TRIM2: variants seen among roughly 807,000 people sequenced by gnomAD.
TRIM2 encodes the protein tripartite motif containing 2.
In TRIM2, 20 loss-of-function variants were observed where a neutral mutation model predicts 75.2. That is an observed-to-expected ratio of 0.27 (90% CI 0.19 to 0.39). The LOEUF (loss-of-function observed/expected upper bound fraction) is 0.39. Among genes scored for constraint, TRIM2 ranks in the 10% least tolerant of loss-of-function variants. The probability of loss-of-function intolerance (pLI) is 1.00; values close to 1 mark genes in which losing one functional copy is unlikely to be tolerated. For missense variants in TRIM2, 660 were observed against 990.8 expected, an observed-to-expected ratio of 0.67 and a Z score of 4.48; for synonymous variants, 373 against 388.3, an observed-to-expected ratio of 0.96 and a Z score of 0.46.
intron 1 of TRIM2, among the ~76,000 whole-genome samples, chr4:153,219,803 G>A (rs761164642): frequency 1.3e-5 from 2 of 152,218 alleles, no homozygotes; most frequent in Admixed American, 1.3e-4. Flanking sequence ...GGGAGGCAGA[G>A]GTTGCAGTGA....
chr4:153,296,841 C>T (rs1240387336), intron 6 of TRIM2, among the ~76,000 whole-genome samples: 1 of 152,230 alleles, frequency 6.6e-6, no homozygotes. Flanking sequence ...GTAGCTCCAG[C>T]AGACTTCTTT....
intron 1 of TRIM2, among the ~76,000 whole-genome samples, chr4:153,192,533 G>A (rs754469826): frequency 1.3e-5 from 2 of 150,764 alleles, no homozygotes; most frequent in African/African-American, 4.9e-5. Context: ...CCTGAGCCTG[G>A]AAGGTCAAGT....
rs11381924 is a variant in TRIM2, at chr4:153,294,127, C to CA, written c.606-174dup. On this transcript the variant is annotated intron_variant, in intron 4 of 11. Transcript: ENST00000338700. ...ACAATTTTGATTGTCTCTGAAGAGA[C>CA]AAAATCTCTTCTCTCTAAGGCAGTA... Among the ~76,000 whole-genome samples the CA allele has an allele frequency of 0.22, 34,114 of 152,044 alleles. 4,835 individuals carry two copies. Among genetic ancestry groups the CA allele is most frequent in the South Asian group, 0.36 (1,751 of 4,816 alleles).
At chr4:153,217,024 C>G (rs575915945) in intron 1 of TRIM2, among the ~76,000 whole-genome samples, 1 of 152,200 alleles carries the variant, frequency 6.6e-6, no homozygotes, top group Non-Finnish European at 1.5e-5. Context: ...TTTTATTTCT[C>G]CCCAACATCT....
intron 1 of TRIM2, among the ~76,000 whole-genome samples, chr4:153,177,707 CTCCTTCCTTCCT>C (rs60499669): frequency 0.018 from 2,442 of 133,952 alleles, 83 homozygotes; most frequent in African/African-American, 0.063. Flanking sequence ...TGGTGGCTCG[CTCCTTCCTTCCT>C]TCCTTCCTTC....
rs970255312 is a variant in TRIM2 at position 153,284,544 on chromosome 4, C to T, written c.453+8414C>T. 9.8e-5 allele frequency among the ~76,000 whole-genome samples: 15 copies of T among 152,328 alleles called. No homozygotes were observed. The East Asian group carries it at 2.9e-3, about 29-fold the overall frequency. On this transcript the variant is annotated intron_variant, in intron 3 of 11. Transcript: ENST00000338700. Reference sequence around the variant, plus strand: ...TTTTCACAGTGGCTGCACCAGTTTACATTTCCACTAGCAAAGCATAAGGGT... The same window carrying T: ...TTTTCACAGTGGCTGCACCAGTTTATATTTCCACTAGCAAAGCATAAGGGT...
chr4:153,307,384 G>A (rs1181430505), intron 6 of TRIM2, among the ~76,000 whole-genome samples: 10 of 152,126 alleles, frequency 6.6e-5, no homozygotes, highest in Admixed American at 6.5e-4. Flanking sequence ...CTAGAACAGT[G>A]TAATTTAAAA....
At chr4:153,317,121 C>G (rs949945930) in intron 8 of TRIM2, among the ~76,000 whole-genome samples, 1 of 149,932 alleles carries the variant, frequency 6.7e-6, no homozygotes, top group Non-Finnish European at 1.5e-5. Flanking sequence ...ACCTCATGAT[C>G]CGCCCGCCTC....
chr4:153,242,984 G>A (rs1284281984), intron 1 of TRIM2, among the ~76,000 whole-genome samples: 1 of 152,228 alleles, frequency 6.6e-6, no homozygotes, highest in Non-Finnish European at 1.5e-5. Context: ...ATGTTGGCAG[G>A]GGCCCCAGGG....
rs535273520 is a variant in TRIM2, at chr4:153,220,963, G to A, written c.30+16403G>A. Among the ~76,000 whole-genome samples the A allele has an allele frequency of 5.9e-4, 89 of 152,124 alleles. No individual in the cohort carries two copies. The Middle Eastern group carries it at 0.017, about 29-fold the overall frequency. On this transcript the variant is annotated intron_variant, in intron 1 of 11. Transcript: ENST00000338700. The stretch of plus-strand genomic sequence containing the variant: ...TCAAAATGTTAAACATAGAATTAGC[G>A]TATGACCCAGTGATTTCACTCCTAG...
chr4:153,288,576 G>A (rs965753624), intron 3 of TRIM2, among the ~76,000 whole-genome samples: 1 of 152,172 alleles, frequency 6.6e-6, no homozygotes, highest in South Asian at 2.1e-4. Flanking sequence ...ATGTCTTTGA[G>A]TTTCCTGTTT....
Position 153,335,043 on chromosome 4 carries a change from A to G in TRIM2, c.*77A>G. 1.5e-6 allele frequency: 2 copies of G among 1,375,558 alleles called. No individual in the cohort carries two copies. Among genetic ancestry groups the G allele is most frequent in the Non-Finnish European group, 1.9e-6 (2 of 1,049,198 alleles). 85.2% of individuals were successfully genotyped at this position (1,375,558 alleles called of 1,614,324 possible). On this transcript the variant is annotated 3_prime_UTR_variant, in exon 12 of 12. Coordinates refer to ENST00000338700, the MANE Select transcript of TRIM2 (RefSeq NM_015271.5). ...GGATTTCTCAATGCGGGACCAGATT[A>G]TGACTAGAGTTTTTATGCCAGAAGG...
intron 1 of TRIM2, among the ~76,000 whole-genome samples, chr4:153,159,798 C>G (rs895128469): frequency 1.3e-5 from 2 of 152,140 alleles, no homozygotes; most frequent in African/African-American, 4.8e-5. Context: ...TTATCTCCAG[C>G]CTTTCTGAAG....
chr4:153,243,622 A>G (rs1026940877), intron 1 of TRIM2, among the ~76,000 whole-genome samples: 1 of 152,234 alleles, frequency 6.6e-6, no homozygotes, highest in African/African-American at 2.4e-5. Context: ...GGATGGAGAC[A>G]TCTGTACCTG....
chr4:153,317,655 GAA>G (rs11316229), intron 8 of TRIM2, among the ~76,000 whole-genome samples: 86 of 130,296 alleles, frequency 6.6e-4, no homozygotes, highest in African/African-American at 9.2e-4. Context: ...GTCTCAAAAA[GAA>G]AAAAAAAAAA....
intron 1 of TRIM2, among the ~76,000 whole-genome samples, chr4:153,189,569 C>G (rs540795238): frequency 6.6e-6 from 1 of 151,996 alleles, no homozygotes; most frequent in South Asian, 2.1e-4. Context: ...GCCTAATATC[C>G]CCTGTCCACT....
upstream of TRIM2, among the ~76,000 whole-genome samples, chr4:153,202,467 C>A (rs1289672608): frequency 6.6e-6 from 1 of 150,926 alleles, no homozygotes; most frequent in Admixed American, 6.6e-5. Flanking sequence ...GAGGCCAAGG[C>A]GGGCAGATCA....
At chr4:153,275,634 A>T (rs548698980) in intron 2 of TRIM2, among the ~76,000 whole-genome samples, 1 of 152,246 alleles carries the variant, frequency 6.6e-6, no homozygotes, top group Admixed American at 6.5e-5. Context: ...TCATCCATGG[A>T]CCACACTTTG....
chr4:153,175,345 G>C (rs1481572703), intron 1 of TRIM2, among the ~76,000 whole-genome samples: 1 of 152,030 alleles, frequency 6.6e-6, no homozygotes, highest in Non-Finnish European at 1.5e-5. Context: ...TTTTTCCGGC[G>C]TATTGATTTC....
Sources: allele counts gnomAD v4.1 joint callset (sites outside exome capture counted in the v4.1 genomes callset), GRCh38; gene constraint gnomAD v4.1.1; transcripts MANE v1.5; gene names NCBI Gene and HGNC (gene_info 2026-07-23, HGNC 2026-07-21).